CACNB2: variants seen among roughly 807,000 people sequenced by gnomAD.
CACNB2 encodes voltage-dependent L-type calcium channel subunit beta-2.
Under a neutral mutation model 73.3 loss-of-function variants are expected in CACNB2, and 42 were observed. The observed-to-expected ratio is 0.57, with a 90% CI of 0.45 to 0.74. The LOEUF (loss-of-function observed/expected upper bound fraction) is 0.74, where lower values mean the gene tolerates loss of function less well. Ranked by LOEUF, CACNB2 falls within the 30% of genes least tolerant of loss-of-function variation. The probability of loss-of-function intolerance (pLI) is 0.00; values close to 1 mark genes in which losing one functional copy is unlikely to be tolerated. For missense variants in CACNB2, 940 were observed against 853.0 expected (o/e 1.10, Z -1.27); for synonymous variants, 348 against 310.3 (o/e 1.12, Z -1.28).
chr10:18,191,419 C>A (rs996651326), intron 2 of CACNB2, among the ~76,000 whole-genome samples: 1 of 152,142 alleles, frequency 6.6e-6, no homozygotes, highest in Non-Finnish European at 1.5e-5. Context: ...GATCAAAACA[C>A]CTGTACATCT....
intron 6 of CACNB2, among the ~76,000 whole-genome samples, chr10:18,511,841 C>G (rs1265539776): frequency 6.6e-6 from 1 of 152,172 alleles, no homozygotes; most frequent in African/African-American, 2.4e-5. Flanking sequence ...CGGTTACAGA[C>G]TCATTTAGGT....
intron 2 of CACNB2, among the ~76,000 whole-genome samples, chr10:18,187,650 T>C (rs972917048): frequency 6.6e-6 from 1 of 152,158 alleles, no homozygotes; most frequent in African/African-American, 2.4e-5. Context: ...TACACCATGG[T>C]CCTGAGAGGA....
At chr10:18,426,955 A>AT (rs551543429) in intron 3 of CACNB2, among the ~76,000 whole-genome samples, 54 of 81,674 alleles carry the variant, frequency 6.6e-4, no homozygotes, top group African/African-American at 2.0e-3. Flanking sequence ...CCTTTTCTAC[A>AT]TTTTTTTTTT....
intron 2 of CACNB2, among the ~76,000 whole-genome samples, chr10:18,346,998 C>A (rs955255790): frequency 1.2e-4 from 19 of 152,086 alleles, no homozygotes; most frequent in Admixed American, 7.9e-4. Context: ...AGACCTGCTG[C>A]TGTCAGTCAG....
At chr10:18,268,115 C>T (rs1007932493) in intron 2 of CACNB2, among the ~76,000 whole-genome samples, 1 of 152,214 alleles carries the variant, frequency 6.6e-6, no homozygotes, top group African/African-American at 2.4e-5. Flanking sequence ...TGAAAAAGAG[C>T]AGTCCCTTTT....
chr10:18,340,763 C>T lies in CACNB2; in HGVS notation c.214-61161C>T, dbSNP rs551335125. ...TGTGATCCGACGAACTTTAGAAAGT[C>T]ACACTAACTAAGACTACACACCCCA... On this transcript the variant is annotated intron_variant, in intron 2 of 13. Coordinates refer to ENST00000324631, the MANE Select transcript of CACNB2 (RefSeq NM_201596.3). 7.8e-6 allele frequency: 12 copies of T among 1,531,164 alleles called. No individual in the cohort carries two copies. In the African/African-American group the frequency reaches 1.5e-4, roughly 19 times the overall value. The allele number at this position is 1,531,164 out of a possible 1,614,324, so 94.8% of individuals were successfully genotyped here.
intron 3 of CACNB2, among the ~76,000 whole-genome samples, chr10:18,451,905 C>T (rs1029832141): frequency 2.0e-5 from 3 of 152,064 alleles, no homozygotes; most frequent in African/African-American, 7.2e-5. Flanking sequence ...GTTATGTTGT[C>T]TTCATAATCT....
intron 4 of CACNB2, among the ~76,000 whole-genome samples, chr10:18,500,576 C>T (rs1035608330): frequency 3.3e-5 from 5 of 152,168 alleles, no homozygotes; most frequent in African/African-American, 1.2e-4. Flanking sequence ...GGAATTCAGC[C>T]TGGTCCTACG....
intron 2 of CACNB2, among the ~76,000 whole-genome samples, chr10:18,238,873 T>C (rs904267980): frequency 6.6e-6 from 1 of 152,224 alleles, no homozygotes; most frequent in Non-Finnish European, 1.5e-5. Flanking sequence ...TTGGCTTCAG[T>C]TTCCAGAAAA....
At position 18,376,521 on chromosome 10, in the gene CACNB2, A is replaced by C. The variant is rs183880328; in HGVS notation, c.214-25403A>C. On this transcript the variant is annotated intron_variant, in intron 2 of 13. Transcript: ENST00000324631. ...AACACAAAATGTGGCTGGACAGTTA[A>C]AGAGAGAATTATTTTAGATAAAATA... Among the ~76,000 whole-genome samples, 832 of 152,344 alleles carry C rather than the reference A, an allele frequency of 5.5e-3. 7 individuals are homozygous for C. Among genetic ancestry groups the C allele is most frequent in the Admixed American group, 0.011 (161 of 15,294 alleles).
At chr10:18,285,688 T>C (rs941157462) in intron 2 of CACNB2, among the ~76,000 whole-genome samples, 1 of 152,256 alleles carries the variant, frequency 6.6e-6, no homozygotes, top group African/African-American at 2.4e-5. Context: ...TGGTACAAAA[T>C]GTAATTTATG....
intron 1 of CACNB2, among the ~76,000 whole-genome samples, chr10:18,146,364 C>T (rs2030982173): frequency 7.0e-6 from 1 of 141,854 alleles, no homozygotes; most frequent in South Asian, 2.2e-4. Flanking sequence ...GGTTGGAGTG[C>T]AGTGGTGCAA....
intron 3 of CACNB2, among the ~76,000 whole-genome samples, chr10:18,435,995 C>T (rs1406742668): frequency 2.0e-5 from 3 of 152,240 alleles, no homozygotes; most frequent in East Asian, 1.9e-4. Flanking sequence ...TTTGAAAGTA[C>T]GATGACTTTA....
intron 3 of CACNB2, among the ~76,000 whole-genome samples, chr10:18,470,279 G>A (rs2048112361): frequency 6.6e-6 from 1 of 150,420 alleles, no homozygotes; most frequent in Non-Finnish European, 1.5e-5. Context: ...CTGAGGTCTG[G>A]AGTTTGAGGT....
intron 2 of CACNB2, among the ~76,000 whole-genome samples, chr10:18,167,934 C>T (rs1019458812): frequency 6.6e-6 from 1 of 152,160 alleles, no homozygotes; most frequent in Admixed American, 6.5e-5. Flanking sequence ...GAGGTCACCC[C>T]CGACCCCAAC....
At chr10:18,448,479 T>TAAAAAAAAA (rs56255761) in intron 3 of CACNB2, among the ~76,000 whole-genome samples, 5 of 107,034 alleles carry the variant, frequency 4.7e-5, no homozygotes, top group East Asian at 2.8e-4. Context: ...CTCTCTCATT[T>TAAAAAAAAA]AAAAAAAAAA....
At chr10:18,206,611 G>A (rs1266202187) in intron 2 of CACNB2, 2 of 152,308 alleles carry the variant, frequency 1.3e-5, no homozygotes, top group African/African-American at 4.8e-5. Flanking sequence ...GTAGGAGCAA[G>A]ACGCAGGCTG....
intron 3 of CACNB2, among the ~76,000 whole-genome samples, chr10:18,465,222 C>A (rs1256810068): frequency 6.6e-6 from 1 of 152,184 alleles, no homozygotes; most frequent in Non-Finnish European, 1.5e-5. Flanking sequence ...CCTAGCTACT[C>A]AGAAGGCTGA....
chr10:18,155,751 A>G (rs1356765780), intron 2 of CACNB2, among the ~76,000 whole-genome samples: 1 of 152,086 alleles, frequency 6.6e-6, no homozygotes, highest in East Asian at 1.9e-4. Context: ...AGTCAGTTTT[A>G]TGACAGTGCA....
Sources: gnomAD v4.1 joint callset for allele counts (sites outside exome capture counted in the v4.1 genomes callset) on GRCh38, gnomAD v4.1.1 for gene constraint, MANE v1.5 for transcripts, NCBI Gene and HGNC (gene_info 2026-07-23, HGNC 2026-07-21) for gene names.